Variants in SUMF1 observed in about 807,000 individuals in gnomAD.
The protein encoded by SUMF1 is sulfatase modifying factor 1.
SUMF1 carries 48 observed loss-of-function variants against 47.6 expected under a neutral mutation model. The observed-to-expected ratio is 1.01, with a 90% CI of 0.80 to 1.28. SUMF1 has a LOEUF of 1.28. Among genes scored for constraint, SUMF1 ranks in the 50% most tolerant of loss-of-function variants. The pLI, the probability that SUMF1 is intolerant of heterozygous loss-of-function variation, is 0.00. For missense variants in SUMF1, 571 were observed against 485.4 expected (o/e 1.18, Z -1.66); for synonymous variants, 230 against 192.1 (o/e 1.20, Z -1.63).
At chr3:4,168,016 A>G (rs1444658127) in intron 8 of SUMF1, among the ~76,000 whole-genome samples, 3 of 152,178 alleles carry the variant, frequency 2.0e-5, no homozygotes, top group African/African-American at 7.2e-5. Context: ...TTATACATGC[A>G]TATTTATTGT....
At chr3:4,397,481 TTC>T (rs762889917) in intron 7 of SUMF1, among the ~76,000 whole-genome samples, 1 of 152,252 alleles carries the variant, frequency 6.6e-6, no homozygotes, top group Non-Finnish European at 1.5e-5. Flanking sequence ...TCTCACAATC[TTC>T]TGTGTTCTTC....
Position 4,087,958 on chromosome 3 carries a change from G to T in SUMF1, c.1015-19213C>A, listed in dbSNP as rs553383112. Among the ~76,000 whole-genome samples, 4 of 151,880 alleles carry T rather than the reference G, an allele frequency of 2.6e-5. No homozygotes were observed. In the South Asian group the frequency reaches 6.2e-4, roughly 24 times the overall value. ...TTTTTGAAGAGAAATTAATGATTGA[G>T]AGCTTGATTTGAAAAAAAAATGCAC... is the stretch of plus-strand genomic sequence containing the variant. On this transcript the variant is annotated intron_variant and NMD_transcript_variant, in intron 8 of 12. Transcript: ENST00000448413.
intron 8 of SUMF1, among the ~76,000 whole-genome samples, chr3:4,156,364 A>C (rs748142286): frequency 6.6e-6 from 1 of 151,606 alleles, no homozygotes; most frequent in Non-Finnish European, 1.5e-5. Context: ...TTGTAGAACT[A>C]ATTAGTACCT....
chr3:4,418,219 C>T (rs1701780290), intron 4 of SUMF1, 87 bp from the exon 5 acceptor site: 1 of 1,583,236 alleles, frequency 6.3e-7, no homozygotes, highest in Admixed American at 1.8e-5. Context: ...CATAATCCCC[C>T]TCAGTTCAAT....
chr3:4,090,992 A>G (rs1490670403), intron 8 of SUMF1, among the ~76,000 whole-genome samples: 1 of 151,884 alleles, frequency 6.6e-6, no homozygotes, highest in African/African-American at 2.4e-5. Context: ...GAGGCAGGAG[A>G]ATCGCTTGAA....
At chr3:4,305,201 T>TCAGCTTCCCGAGTAGCTGGAATTA in intron 8 of SUMF1, among the ~76,000 whole-genome samples, 1 of 152,142 alleles carries the variant, frequency 6.6e-6, no homozygotes, top group South Asian at 2.1e-4. Context: ...TTCTTCCACC[T>TCAGCTTCCCGAGTAGCTGGAATTA]CAGCTTCCCG....
intron 8 of SUMF1, among the ~76,000 whole-genome samples, chr3:4,218,809 C>A (rs571809214): frequency 6.6e-6 from 1 of 152,244 alleles, no homozygotes; most frequent in South Asian, 2.1e-4. Flanking sequence ...TTCATGATTT[C>A]TTTTTAGGGA....
chr3:4,463,641 C>T (rs1233182376), intron 1 of SUMF1, among the ~76,000 whole-genome samples: 2 of 152,146 alleles, frequency 1.3e-5, no homozygotes, highest in Non-Finnish European at 2.9e-5. Context: ...ATGGAAGAGA[C>T]GGCATTCGAT....
At chr3:4,267,073 G>T (rs1267304644) in intron 8 of SUMF1, among the ~76,000 whole-genome samples, 1 of 152,160 alleles carries the variant, frequency 6.6e-6, no homozygotes, top group East Asian at 1.9e-4. Flanking sequence ...CAGGGATGAA[G>T]CCCACTTGAT....
At position 4,181,665 on chromosome 3, in the gene SUMF1, A is replaced by C. The variant is rs554940441; in HGVS notation, c.1015-112920T>G. Among the ~76,000 whole-genome samples, 27 of 152,230 alleles carry C rather than the reference A, an allele frequency of 1.8e-4. No homozygotes were observed. The Middle Eastern group carries it at 0.014, about 77-fold the overall frequency. On this transcript the variant is annotated intron_variant and NMD_transcript_variant, in intron 8 of 12. Coordinates refer to the SUMF1 transcript ENST00000448413. Reference sequence around the variant, plus strand: ...AATGCCATGATTTTTTGAGCTTCCCAAAACCTCCCTTATGCCCAAGAAAGA... The same window carrying C: ...AATGCCATGATTTTTTGAGCTTCCCCAAACCTCCCTTATGCCCAAGAAAGA...
At chr3:4,439,211 C>T (rs1300051518) in intron 3 of SUMF1, among the ~76,000 whole-genome samples, 1 of 151,948 alleles carries the variant, frequency 6.6e-6, no homozygotes, top group Admixed American at 6.6e-5. Context: ...CTTAAGAAGT[C>T]AAAAAAAGAA....
chr3:4,463,353 G>C (rs1322423578), intron 1 of SUMF1, among the ~76,000 whole-genome samples: 3 of 152,186 alleles, frequency 2.0e-5, no homozygotes, highest in Non-Finnish European at 4.4e-5. Context: ...GGCCAGGCGT[G>C]GTGGCAGGTG....
intron 8 of SUMF1, among the ~76,000 whole-genome samples, chr3:4,254,298 G>C (rs1480065126): frequency 6.6e-6 from 1 of 151,586 alleles, no homozygotes; most frequent in Non-Finnish European, 1.5e-5. Flanking sequence ...GAAGGCTTCA[G>C]ACGATCAAAT....
At chr3:4,239,063 T>G (rs1002643891) in intron 8 of SUMF1, among the ~76,000 whole-genome samples, 2 of 152,154 alleles carry the variant, frequency 1.3e-5, no homozygotes, top group Non-Finnish European at 2.9e-5. Context: ...TTTGCCAGGT[T>G]TGTCAAAGAT....
intron 6 of SUMF1, among the ~76,000 whole-genome samples, chr3:4,416,826 A>C (rs575339858): frequency 6.6e-6 from 1 of 152,236 alleles, no homozygotes; most frequent in Non-Finnish European, 1.5e-5. Context: ...GAAGAAATGC[A>C]CCAATATGCT....
intron 8 of SUMF1, among the ~76,000 whole-genome samples, chr3:4,098,693 G>T (rs1036427362): frequency 6.6e-6 from 1 of 152,128 alleles, no homozygotes. Context: ...CATTGGTATA[G>T]GATTTTACTT....
chr3:4,333,156 T>C (rs1034783940), intron 8 of SUMF1, among the ~76,000 whole-genome samples: 3 of 152,334 alleles, frequency 2.0e-5, no homozygotes, highest in Admixed American at 2.0e-4. Flanking sequence ...GAGCTCGGGA[T>C]ACAGGAAGCT....
intron 8 of SUMF1, among the ~76,000 whole-genome samples, chr3:4,241,018 C>G (rs551667720): frequency 5.3e-5 from 8 of 151,946 alleles, no homozygotes; most frequent in Non-Finnish European, 8.8e-5. Flanking sequence ...ACCCAAAGCA[C>G]ATTTATATGT....
chr3:4,311,171 T>C (rs757297812), intron 8 of SUMF1, among the ~76,000 whole-genome samples: 1 of 152,228 alleles, frequency 6.6e-6, no homozygotes, highest in African/African-American at 2.4e-5. Flanking sequence ...CCTCCTCATC[T>C]TTCACAAGAG....
Sources: gnomAD v4.1 joint callset for allele counts (sites outside exome capture counted in the v4.1 genomes callset) on GRCh38, gnomAD v4.1.1 for gene constraint, MANE v1.5 for transcripts, NCBI Gene and HGNC (gene_info 2026-07-23, HGNC 2026-07-21) for gene names.